SIDT1: variants seen among roughly 807,000 people sequenced by gnomAD.
SIDT1 encodes the protein SID1 transmembrane family, member 1.
In SIDT1, 101 loss-of-function variants were observed where a neutral mutation model predicts 107.5. The observed-to-expected ratio is 0.94, with a 90% CI of 0.80 to 1.11. The LOEUF is 1.11. Among genes scored for constraint, SIDT1 ranks in the 50% least tolerant of loss-of-function variants. The pLI is 0.00. For synonymous variants in SIDT1, 395 were observed against 398.2 expected, an observed-to-expected ratio of 0.99 and a Z score of 0.10; for missense variants, 1,076 against 1,058.2, an observed-to-expected ratio of 1.02 and a Z score of -0.23.
intron 6 of SIDT1, chr3:113,581,812 G>T: frequency 9.3e-6 from 2 of 214,306 alleles, no homozygotes; most frequent in Non-Finnish European, 1.9e-5. Flanking sequence ...GGCAGAGGTT[G>T]AAGTGAGCCA....
intron 3 of SIDT1, among the ~76,000 whole-genome samples, chr3:113,570,105 A>G (rs1397787018): frequency 3.9e-5 from 6 of 152,166 alleles, no homozygotes; most frequent in African/African-American, 1.4e-4. Flanking sequence ...GGATTTGACC[A>G]TGTTGCCCAG....
intron 6 of SIDT1, among the ~76,000 whole-genome samples, chr3:113,582,698 C>T (rs114733105): frequency 0.023 from 3,491 of 152,086 alleles, 99 homozygotes; most frequent in African/African-American, 0.071. Flanking sequence ...ATCACGCCAC[C>T]ACACTCCAGC....
At chr3:113,558,774 G>T (rs779510928) in intron 1 of SIDT1, among the ~76,000 whole-genome samples, 4 of 152,178 alleles carry the variant, frequency 2.6e-5, no homozygotes, top group Non-Finnish European at 5.9e-5. Context: ...CAGTATCGAT[G>T]ACGCTGTGGC....
intron 1 of SIDT1, among the ~76,000 whole-genome samples, chr3:113,561,974 C>T (rs1941471399): frequency 6.6e-6 from 1 of 152,120 alleles, no homozygotes; most frequent in African/African-American, 2.4e-5. Flanking sequence ...CCAAAGTGTG[C>T]TCTAAAAACA....
At chr3:113,547,387 C>G (rs1387467564) in intron 1 of SIDT1, among the ~76,000 whole-genome samples, 1 of 151,978 alleles carries the variant, frequency 6.6e-6, no homozygotes, top group Non-Finnish European at 1.5e-5. Flanking sequence ...TGTCATACAG[C>G]AAATATAAGT....
intron 23 of SIDT1, among the ~76,000 whole-genome samples, chr3:113,625,577 T>G (rs57992184): frequency 0.037 from 5,602 of 152,354 alleles, 362 homozygotes; most frequent in African/African-American, 0.13. Flanking sequence ...CCTGTCTTTT[T>G]GATACGAGCC....
chr3:113,584,813 G>C (rs777777922), intron 8 of SIDT1, 44 bp downstream of exon 8: 2 of 1,318,144 alleles, frequency 1.5e-6, no homozygotes, highest in Non-Finnish European at 1.1e-6. Context: ...TCCTGTGTCA[G>C]AAAATCAGTC....
At chr3:113,538,902 C>A (rs1938495693) in intron 1 of SIDT1, among the ~76,000 whole-genome samples, 1 of 152,170 alleles carries the variant, frequency 6.6e-6, no homozygotes. Context: ...TTCCAGAAAG[C>A]ACATAATTTC....
chr3:113,546,881 G>A (rs1311693373), intron 1 of SIDT1, among the ~76,000 whole-genome samples: 1 of 152,040 alleles, frequency 6.6e-6, no homozygotes, highest in Non-Finnish European at 1.5e-5. Flanking sequence ...TTCCTACATC[G>A]TTTAACTTTG....
chr3:113,575,246 T>C (rs1942806610), intron 3 of SIDT1, among the ~76,000 whole-genome samples: 1 of 152,218 alleles, frequency 6.6e-6, no homozygotes, highest in African/African-American at 2.4e-5. Flanking sequence ...CATGCTGTCA[T>C]GAGGAACCGA....
rs1032599276 is a variant in SIDT1 at position 113,626,294 on chromosome 3, T to A, written c.2421+79T>A. 8 of 895,386 alleles carry A rather than the reference T, an allele frequency of 8.9e-6. No homozygotes were observed. In the African/African-American group the frequency reaches 1.3e-4, roughly 15 times the overall value. 55.5% of individuals were successfully genotyped at this position (895,386 alleles called of 1,614,324 possible). The stretch of plus-strand genomic sequence containing the variant: ...CTCTTTTTCTTCTGCTCTTCCTTAC[T>A]TTTTTTTATATTCCTCTCTAATTTT... On this transcript the variant is annotated intron_variant, in intron 24 of 24. Transcript: ENST00000264852.
chr3:113,623,336 C>A, intron 21 of SIDT1, 91 bp from the exon 22 acceptor site: 1 of 718,072 alleles, frequency 1.4e-6, no homozygotes, highest in South Asian at 1.8e-5. Context: ...AAGAACCTGC[C>A]CCTTCCCCCT....
At chr3:113,588,319 GA>G (rs1340981559) in intron 9 of SIDT1, among the ~76,000 whole-genome samples, 1 of 152,274 alleles carries the variant, frequency 6.6e-6, no homozygotes, top group East Asian at 1.9e-4. Flanking sequence ...CTAAATAGAA[GA>G]ATAGACTGAG....
intron 1 of SIDT1, among the ~76,000 whole-genome samples, chr3:113,550,881 A>G (rs999981649): frequency 3.3e-5 from 5 of 152,082 alleles, no homozygotes; most frequent in Non-Finnish European, 5.9e-5. Flanking sequence ...ACTAGTACCC[A>G]TTAGTTATTT....
At chr3:113,618,894 G>A (rs748413446) in intron 20 of SIDT1, among the ~76,000 whole-genome samples, 18 of 152,050 alleles carry the variant, frequency 1.2e-4, no homozygotes, top group Non-Finnish European at 2.4e-4. Flanking sequence ...GCAAAATCTC[G>A]GCTCACTGCA....
intron 10 of SIDT1, among the ~76,000 whole-genome samples, chr3:113,600,910 T>C (rs1331225624): frequency 6.6e-6 from 1 of 152,174 alleles, no homozygotes; most frequent in Non-Finnish European, 1.5e-5. Context: ...CCAGGGAGCA[T>C]GCATTCTGAG....
At chr3:113,554,774 G>T (rs1029830826) in intron 1 of SIDT1, among the ~76,000 whole-genome samples, 2 of 152,202 alleles carry the variant, frequency 1.3e-5, no homozygotes, top group Admixed American at 6.5e-5. Flanking sequence ...CGCGACAGAA[G>T]ATCAACACCA....
Position 113,608,132 on chromosome 3 carries a change from T to C in SIDT1, c.1517T>C (p.Leu506Pro). ...NNILSNLGHV[L>P]LGFLFLLIVL... ...ATTCTCAGCAATCTGGGCCACGTGC[T>C]TCTGGGCTTCCTCTTCCTGCTGATA... The change falls in exon 16 of 25, where the codon CTT (leucine) becomes CCT (proline). Residue 506 changes from leucine (L) to proline (P), a missense_variant. Transcript: ENST00000264852. The C allele has an allele frequency of 6.2e-7, 1 of 1,612,582 alleles. No individual in the cohort carries two copies. Among genetic ancestry groups the C allele is most frequent in the Non-Finnish European group, 8.5e-7 (1 of 1,179,368 alleles).
intron 9 of SIDT1, among the ~76,000 whole-genome samples, chr3:113,592,377 A>G (rs540676029): frequency 6.6e-6 from 1 of 152,342 alleles, no homozygotes; most frequent in African/African-American, 2.4e-5. Context: ...TGGTATGTGA[A>G]TTACATCTGA....
Sources: gnomAD v4.1 joint callset for allele counts (sites outside exome capture counted in the v4.1 genomes callset) on GRCh38, gnomAD v4.1.1 for gene constraint, MANE v1.5 for transcripts, NCBI Gene and HGNC (gene_info 2026-07-23, HGNC 2026-07-21) for gene names.